Variants in STXBP6 observed in about 807,000 individuals in gnomAD.
STXBP6 encodes the protein syntaxin-binding protein 6.
STXBP6 carries 21 observed loss-of-function variants against 26.9 expected under a neutral mutation model. The ratio of observed to expected loss-of-function variants is 0.78; its 90% CI spans 0.55 to 1.12. STXBP6 has a LOEUF of 1.12. Among genes scored for constraint, STXBP6 ranks in the 50% most tolerant of loss-of-function variants. The probability of loss-of-function intolerance (pLI) is 0.00; values close to 1 mark genes in which losing one functional copy is unlikely to be tolerated. For synonymous variants in STXBP6, 97 were observed against 92.6 expected, an observed-to-expected ratio of 1.05 and a Z score of -0.27; for missense variants, 232 against 257.9, an observed-to-expected ratio of 0.90 and a Z score of 0.69.
intron 1 of STXBP6, among the ~76,000 whole-genome samples, chr14:25,038,795 G>A (rs2075595010): frequency 6.6e-6 from 1 of 151,744 alleles, no homozygotes; most frequent in Admixed American, 6.6e-5. Context: ...ACCTACACGT[G>A]TACCCTCGAA....
chr14:24,855,348 G>C (rs2069291134), intron 4 of STXBP6, among the ~76,000 whole-genome samples: 1 of 152,060 alleles, frequency 6.6e-6, no homozygotes, highest in South Asian at 2.1e-4. Flanking sequence ...TCTCTAAAAA[G>C]AAATGCCACC....
intron 2 of STXBP6, among the ~76,000 whole-genome samples, chr14:24,871,815 G>A (rs1040222127): frequency 3.5e-4 from 53 of 152,250 alleles, no homozygotes; most frequent in African/African-American, 1.2e-3. Context: ...CTGGGACCAT[G>A]GATCAAAACA....
At chr14:24,885,258 T>A (rs2070534004) in intron 2 of STXBP6, among the ~76,000 whole-genome samples, 1 of 152,184 alleles carries the variant, frequency 6.6e-6, no homozygotes, top group Non-Finnish European at 1.5e-5. Flanking sequence ...ATTGAGAGGT[T>A]CTCTGAGGTG....
chr14:24,818,203 C>A, intron 5 of STXBP6: 1 of 446,330 alleles, frequency 2.2e-6, no homozygotes. Flanking sequence ...ATTCAAACCA[C>A]TAACCAGAAA....
intron 1 of STXBP6, among the ~76,000 whole-genome samples, chr14:24,976,557 C>T (rs951593927): frequency 6.6e-5 from 10 of 152,138 alleles, no homozygotes; most frequent in Non-Finnish European, 1.5e-4. Flanking sequence ...TGGAGGGGGA[C>T]CTGTTTTTCA....
At chr14:24,858,847 C>A (rs913281214) in intron 2 of STXBP6, among the ~76,000 whole-genome samples, 2 of 152,084 alleles carry the variant, frequency 1.3e-5, no homozygotes, top group Non-Finnish European at 1.5e-5. Flanking sequence ...AAAGGCTTTT[C>A]AATAACAGGA....
intron 1 of STXBP6, among the ~76,000 whole-genome samples, chr14:25,042,419 T>C (rs1046343513): frequency 1.3e-5 from 2 of 152,206 alleles, no homozygotes; most frequent in African/African-American, 4.8e-5. Flanking sequence ...ATGTATTTTG[T>C]TCCTTACTCC....
At chr14:24,884,105 T>G (rs2070481204) in intron 2 of STXBP6, among the ~76,000 whole-genome samples, 1 of 152,050 alleles carries the variant, frequency 6.6e-6, no homozygotes, top group Non-Finnish European at 1.5e-5. Flanking sequence ...GGGGGGCACA[T>G]CTTATTCAGA....
chr14:24,991,771 A>G (rs1205411027), intron 1 of STXBP6, among the ~76,000 whole-genome samples: 1 of 152,212 alleles, frequency 6.6e-6, no homozygotes, highest in Non-Finnish European at 1.5e-5. Context: ...AGATAAGTAC[A>G]TCTCTCAGAA....
At chr14:24,852,290 T>C (rs854320) in intron 4 of STXBP6, among the ~76,000 whole-genome samples, 16,158 of 152,208 alleles carry the variant, frequency 0.11, 1,111 homozygotes, top group East Asian at 0.37. Context: ...ATTGTGACTA[T>C]GTATTAAGCC....
chr14:24,857,197 T>A, intron 2 of STXBP6, 40 bp from the exon 3 acceptor site: 1 of 1,610,936 alleles, frequency 6.2e-7, no homozygotes. Context: ...CACCTGCAAG[T>A]TGGTGGTTTG....
At chr14:24,835,718 A>G (rs1450029732) in intron 4 of STXBP6, among the ~76,000 whole-genome samples, 2 of 152,224 alleles carry the variant, frequency 1.3e-5, no homozygotes, top group African/African-American at 2.4e-5. Context: ...GGTTTGGAAT[A>G]AACAAAGTAG....
At chr14:24,957,134 T>C (rs1024657039) in intron 2 of STXBP6, among the ~76,000 whole-genome samples, 5 of 152,106 alleles carry the variant, frequency 3.3e-5, no homozygotes, top group African/African-American at 1.2e-4. Flanking sequence ...GTTGTCCCCA[T>C]TGTCTAGGAA....
chr14:24,836,613 A>AAAAG (rs1388405343), intron 4 of STXBP6, among the ~76,000 whole-genome samples: 48 of 150,794 alleles, frequency 3.2e-4, no homozygotes, highest in Non-Finnish European at 2.2e-4. Context: ...TCTCAAAAAA[A>AAAAG]AAAAAAAAAA....
At chr14:24,945,367 A>T (rs997555238) in intron 2 of STXBP6, among the ~76,000 whole-genome samples, 10 of 151,736 alleles carry the variant, frequency 6.6e-5, no homozygotes, top group African/African-American at 2.4e-4. Flanking sequence ...AGAGTTCAAG[A>T]CTAGCCTGGG....
At chr14:24,828,409 A>G (rs1482942845) in intron 4 of STXBP6, among the ~76,000 whole-genome samples, 1 of 152,212 alleles carries the variant, frequency 6.6e-6, no homozygotes, top group Non-Finnish European at 1.5e-5. Context: ...TTAACATAAA[A>G]TGTACAAAAA....
chr14:24,913,272 A>T (rs192936035), intron 2 of STXBP6, among the ~76,000 whole-genome samples: 1 of 152,334 alleles, frequency 6.6e-6, no homozygotes, highest in African/African-American at 2.4e-5. Context: ...CCAGTTAATA[A>T]GGAATGGGTC....
At chr14:24,962,441 T>C (rs534476684) in intron 2 of STXBP6, among the ~76,000 whole-genome samples, 3 of 151,844 alleles carry the variant, frequency 2.0e-5, no homozygotes, top group African/African-American at 4.8e-5. Flanking sequence ...GCAATTCTCC[T>C]GCCTCTGCCT....
At chr14:24,899,801 CAAA>C (rs56666133) in intron 2 of STXBP6, among the ~76,000 whole-genome samples, 22 of 108,632 alleles carry the variant, frequency 2.0e-4, no homozygotes, top group Non-Finnish European at 2.6e-4. Flanking sequence ...AAAAAAAAAG[CAAA>C]AAAAAAAAAA....
Sources: gnomAD v4.1 joint callset for allele counts (sites outside exome capture counted in the v4.1 genomes callset) on GRCh38, gnomAD v4.1.1 for gene constraint, MANE v1.5 for transcripts, NCBI Gene and HGNC (gene_info 2026-07-23, HGNC 2026-07-21) for gene names.